ALK: variants seen among roughly 807,000 people sequenced by gnomAD.
ALK encodes the protein ALK receptor tyrosine kinase, also known as ALK tyrosine kinase receptor.
In ALK, 74 loss-of-function variants were observed where a neutral mutation model predicts 163.1. The ratio of observed to expected loss-of-function variants is 0.45; its 90% CI spans 0.38 to 0.55. The LOEUF is 0.55. Ranked by LOEUF, ALK falls within the 20% of genes least tolerant of loss-of-function variation. The probability of loss-of-function intolerance (pLI) is 0.00; values close to 1 mark genes in which losing one functional copy is unlikely to be tolerated. For synonymous variants in ALK, 960 were observed against 843.2 expected (o/e 1.14, Z -2.40); for missense variants, 2,063 against 2,105.3 (o/e 0.98, Z 0.39).
intron 4 of ALK, among the ~76,000 whole-genome samples, chr2:29,504,934 C>T (rs759246793): frequency 6.6e-6 from 1 of 152,094 alleles, no homozygotes; most frequent in Non-Finnish European, 1.5e-5. Context: ...GGCAAGGAGC[C>T]TGGAGGCATG....
At chr2:29,849,495 A>C (rs937681905) in intron 1 of ALK, among the ~76,000 whole-genome samples, 2 of 152,186 alleles carry the variant, frequency 1.3e-5, no homozygotes, top group East Asian at 3.9e-4. Context: ...TGTGTTTCAG[A>C]AGATCCTCAA....
At chr2:29,554,156 T>C (rs1417863718) in intron 3 of ALK, among the ~76,000 whole-genome samples, 1 of 152,186 alleles carries the variant, frequency 6.6e-6, no homozygotes, top group Non-Finnish European at 1.5e-5. Context: ...GTGACAAAAA[T>C]AGTCACTGTA....
intron 3 of ALK, among the ~76,000 whole-genome samples, chr2:29,572,068 G>A (rs1674391424): frequency 6.6e-6 from 1 of 152,180 alleles, no homozygotes; most frequent in African/African-American, 2.4e-5. Context: ...CAGCTCCCTG[G>A]AGGCAACGCT....
chr2:29,218,746 C>A (rs1490682139), intron 23 of ALK, among the ~76,000 whole-genome samples: 1 of 152,230 alleles, frequency 6.6e-6, no homozygotes, highest in Non-Finnish European at 1.5e-5. Flanking sequence ...GTGGGAGAAC[C>A]AGGGCTGTGC....
intron 1 of ALK, among the ~76,000 whole-genome samples, chr2:29,802,214 A>C (rs1664483811): frequency 6.6e-6 from 1 of 151,328 alleles, no homozygotes; most frequent in Admixed American, 6.6e-5. Flanking sequence ...GAATGAGAAA[A>C]GAAGAAAGCT....
intron 13 of ALK, among the ~76,000 whole-genome samples, chr2:29,234,179 T>C (rs1221803355): frequency 6.6e-6 from 1 of 152,080 alleles, no homozygotes; most frequent in Non-Finnish European, 1.5e-5. Context: ...GTTTCGATCC[T>C]GTGGGATGAA....
At chr2:29,780,365 C>G (rs1400102571) in intron 1 of ALK, among the ~76,000 whole-genome samples, 2 of 152,212 alleles carry the variant, frequency 1.3e-5, no homozygotes, top group Non-Finnish European at 2.9e-5. Context: ...CAAGTGAGCT[C>G]ATTGCCAAGC....
chr2:29,389,926 T>C (rs746615625), intron 4 of ALK, among the ~76,000 whole-genome samples: 1 of 152,206 alleles, frequency 6.6e-6, no homozygotes, highest in Non-Finnish European at 1.5e-5. Flanking sequence ...TTCTCAACTA[T>C]GACAGTTACC....
chr2:29,661,628 C>A lies in ALK; in HGVS notation c.952+33222G>T, dbSNP rs566622828. On this transcript the variant is annotated intron_variant, in intron 3 of 28. Coordinates refer to ENST00000389048, the MANE Select transcript of ALK (RefSeq NM_004304.5). ...TAAAAATCCTATAAGGTATGACTGTCTATTTGCATGGCACACTTGAGAGAT... is the reference window on the plus strand; with the variant it reads ...TAAAAATCCTATAAGGTATGACTGTATATTTGCATGGCACACTTGAGAGAT... Among the ~76,000 whole-genome samples, 3 of 152,258 alleles carry A rather than the reference C, an allele frequency of 2.0e-5. No homozygotes were observed. The South Asian group carries it at 6.2e-4, about 32-fold the overall frequency.
intron 4 of ALK, among the ~76,000 whole-genome samples, chr2:29,429,388 A>G (rs900539314): frequency 1.3e-5 from 2 of 152,062 alleles, no homozygotes; most frequent in African/African-American, 4.8e-5. Flanking sequence ...ATTAGAACTA[A>G]TAAGTTCAGC....
intron 1 of ALK, among the ~76,000 whole-genome samples, chr2:29,840,378 T>C (rs541245983): frequency 7.9e-5 from 12 of 152,330 alleles, no homozygotes; most frequent in Admixed American, 6.5e-4. Flanking sequence ...AAATGTGGAT[T>C]CCTAGAACTT....
intron 4 of ALK, among the ~76,000 whole-genome samples, chr2:29,515,930 C>A (rs1672650599): frequency 6.6e-6 from 1 of 152,168 alleles, no homozygotes; most frequent in Non-Finnish European, 1.5e-5. Context: ...ATATTTTCAC[C>A]CTTCCTCTGG....
At chr2:29,904,476 C>G (rs993869096) in intron 1 of ALK, among the ~76,000 whole-genome samples, 1 of 151,904 alleles carries the variant, frequency 6.6e-6, no homozygotes, top group Non-Finnish European at 1.5e-5. Flanking sequence ...AAGGAAGCCA[C>G]AAAAAATAAT....
Position 29,504,023 on chromosome 2 carries a change from A to G in ALK, c.1154+27892T>C, listed in dbSNP as rs539652653. Among the ~76,000 whole-genome samples, 7 of 152,156 alleles carry G rather than the reference A, an allele frequency of 4.6e-5. No individual in the cohort carries two copies. In the South Asian group the frequency reaches 1.5e-3, roughly 32 times the overall value. On this transcript the variant is annotated intron_variant, in intron 4 of 28. Transcript: ENST00000389048. ...TGATTTGGACAATAAACAAGGAACC[A>G]AATATATTAATTAATTACCAGTTGT...
At chr2:29,251,000 A>G in intron 12 of ALK, 105 bp downstream of exon 12, 1 of 1,238,884 alleles carries the variant, frequency 8.1e-7, no homozygotes, top group South Asian at 1.5e-5. Flanking sequence ...TTGCCTTTGA[A>G]CCTTGACATG....
chr2:29,806,649 G>A lies in ALK; in HGVS notation c.668-88952C>T, dbSNP rs141698721. On this transcript the variant is annotated intron_variant, in intron 1 of 28. Coordinates refer to ENST00000389048, the MANE Select transcript of ALK (RefSeq NM_004304.5). ...TGCAGATGTTGTCCGGAATGCTGGG[G>A]TTTGTCAAAATAGATTGGTGAGGAC... 2.6e-5 allele frequency among the ~76,000 whole-genome samples: 4 copies of A among 152,286 alleles called. No homozygotes were observed. In the East Asian group the frequency reaches 7.7e-4, roughly 29 times the overall value.
At chr2:29,477,042 T>C (rs1262490666) in intron 4 of ALK, among the ~76,000 whole-genome samples, 2 of 152,050 alleles carry the variant, frequency 1.3e-5, no homozygotes, top group Non-Finnish European at 2.9e-5. Context: ...TAGGTGCAGA[T>C]GTAGACTAGG....
chr2:29,437,311 T>C (rs1236891341), intron 4 of ALK, among the ~76,000 whole-genome samples: 1 of 152,116 alleles, frequency 6.6e-6, no homozygotes. Context: ...AGAGAATCTG[T>C]TGGTTTGAAC....
chr2:29,531,457 C>T (rs1016809949), intron 4 of ALK, among the ~76,000 whole-genome samples: 1 of 152,162 alleles, frequency 6.6e-6, no homozygotes, highest in Non-Finnish European at 1.5e-5. Context: ...GTATCCATGA[C>T]TAATCCTGCT....
Sources: gnomAD v4.1 joint callset for allele counts (sites outside exome capture counted in the v4.1 genomes callset) on GRCh38, gnomAD v4.1.1 for gene constraint, MANE v1.5 for transcripts, NCBI Gene and HGNC (gene_info 2026-07-23, HGNC 2026-07-21) for gene names.